Variants in GUCY2C observed in about 807,000 individuals in gnomAD.
GUCY2C encodes guanylate cyclase 2C.
A neutral mutation model predicts 131.1 loss-of-function variants in GUCY2C; 118 were observed. The ratio of observed to expected loss-of-function variants is 0.90; its 90% CI spans 0.78 to 1.05. GUCY2C has a LOEUF of 1.05. Among genes scored for constraint, GUCY2C ranks in the 50% least tolerant of loss-of-function variants. GUCY2C has a pLI of 0.00. For synonymous variants in GUCY2C, 452 were observed against 457.8 expected, an observed-to-expected ratio of 0.99 and a Z score of 0.16; for missense variants, 1,161 against 1,304.4, an observed-to-expected ratio of 0.89 and a Z score of 1.69.
rs142533076 is a variant in GUCY2C, at chr12:14,641,085, T to C, written c.2065A>G (p.Asn689Asp). 8 of 1,613,204 alleles carry C rather than the reference T, an allele frequency of 5.0e-6. No homozygotes were observed. In the African/African-American group the frequency reaches 9.3e-5, roughly 19 times the overall value. The part of the protein sequence containing the change: ...TFYTLSCRDR[N>D]EKIFRVENSN... Reference sequence around the variant, plus strand: ...ACATGAATGGGTTTAGATGTACCATTCCGGTCCCGACAGCTCAAAGTGTAG... The same window carrying C: ...ACATGAATGGGTTTAGATGTACCATCCCGGTCCCGACAGCTCAAAGTGTAG... The change falls in exon 18 of 27, where the codon AAT (asparagine) becomes GAT (aspartate). Residue 689 changes from asparagine to aspartate, a missense_variant. Asn to Asp is a conservative substitution (Grantham distance 23, BLOSUM62 1). Transcript: ENST00000261170.
At position 14,652,633 on chromosome 12, in the gene GUCY2C, G is replaced by C. The variant is rs186632758; in HGVS notation, c.1533+319C>G. On this transcript the variant is annotated intron_variant, in intron 13 of 26. Coordinates refer to ENST00000261170, the MANE Select transcript of GUCY2C (RefSeq NM_004963.4). The stretch of plus-strand genomic sequence containing the variant: ...AGATGCAAAGCTCTCATATGAGATC[G>C]TTGTATTTCTCAGCAATGAGCCAAA... 5.2e-3 allele frequency among the ~76,000 whole-genome samples: 787 copies of C among 152,322 alleles called. 3 individuals are homozygous for C. The highest frequency in any genetic ancestry group is 0.01 in the Middle Eastern group (3 of 294).
At position 14,628,755 on chromosome 12, in the gene GUCY2C, G is replaced by C. The variant is rs182813541; in HGVS notation, c.2158-18C>G. The C allele has an allele frequency of 3.9e-6, 4 of 1,034,898 alleles. No individual in the cohort carries two copies. Among genetic ancestry groups the C allele is most frequent in the Non-Finnish European group, 6.1e-6 (4 of 660,780 alleles). The allele number at this position is 1,034,898 out of a possible 1,614,324, so 64.1% of individuals were successfully genotyped here. A position where few individuals can be genotyped will look rare whatever the true frequency, so the allele number is the denominator to read the frequency against. On this transcript the variant is annotated intron_variant, in intron 19 of 26. Transcript: ENST00000261170. ...AGGTACACCTGGAAGAAAAAAAAACGGGCAAATTAGCTAAGGGGATAGTAA... is the reference window on the plus strand; with the variant it reads ...AGGTACACCTGGAAGAAAAAAAAACCGGCAAATTAGCTAAGGGGATAGTAA...
chr12:14,657,988 T>A (rs1947795303), intron 11 of GUCY2C, among the ~76,000 whole-genome samples: 1 of 152,240 alleles, frequency 6.6e-6, no homozygotes, highest in African/African-American at 2.4e-5. Context: ...AACTTTTTTT[T>A]AACCTTTATG....
chr12:14,676,150 G>A (rs11056092), intron 7 of GUCY2C, among the ~76,000 whole-genome samples: 1 of 152,106 alleles, frequency 6.6e-6, no homozygotes, highest in South Asian at 2.1e-4. Context: ...TCAATGGTTT[G>A]TCTCTGTGGG....
chr12:14,648,635 T>C (rs1426442620), intron 15 of GUCY2C, among the ~76,000 whole-genome samples: 1 of 152,248 alleles, frequency 6.6e-6, no homozygotes, highest in Non-Finnish European at 1.5e-5. Flanking sequence ...TCTCTCTGAA[T>C]GTGCACATAA....
At chr12:14,638,991 A>G (rs73312046) in intron 19 of GUCY2C, among the ~76,000 whole-genome samples, 7,808 of 152,208 alleles carry the variant, frequency 0.051, 656 homozygotes, top group African/African-American at 0.18. Context: ...ACAAATATCA[A>G]TTTAAAAATA....
chr12:14,666,341 A>G (rs1254483695), intron 10 of GUCY2C, among the ~76,000 whole-genome samples: 1 of 152,254 alleles, frequency 6.6e-6, no homozygotes, highest in Non-Finnish European at 1.5e-5. Flanking sequence ...GCGGGCATTC[A>G]TCTACGCAAG....
intron 18 of GUCY2C, among the ~76,000 whole-genome samples, chr12:14,640,487 A>G (rs1206237162): frequency 6.6e-6 from 1 of 151,372 alleles, no homozygotes; most frequent in Non-Finnish European, 1.5e-5. Flanking sequence ...AAAGAAAGAA[A>G]AGAAAAGAAA....
At chr12:14,637,946 T>C (rs765867125) in intron 19 of GUCY2C, among the ~76,000 whole-genome samples, 7 of 152,160 alleles carry the variant, frequency 4.6e-5, no homozygotes, top group Non-Finnish European at 1.0e-4. Flanking sequence ...ACCTGTTGAA[T>C]GGGAGAAAGT....
chr12:14,685,664 G>A (rs1948454315), intron 3 of GUCY2C, among the ~76,000 whole-genome samples: 1 of 152,144 alleles, frequency 6.6e-6, no homozygotes, highest in Non-Finnish European at 1.5e-5. Context: ...TTCTAAGATA[G>A]TAAGGGCACT....
At chr12:14,658,445 G>A (rs1947802071) in intron 11 of GUCY2C, among the ~76,000 whole-genome samples, 1 of 152,202 alleles carries the variant, frequency 6.6e-6, no homozygotes, top group South Asian at 2.1e-4. Flanking sequence ...GGGAGGCCAA[G>A]GTGGGTGGAT....
At chr12:14,663,202 T>G (rs750268921) in intron 10 of GUCY2C, among the ~76,000 whole-genome samples, 12 of 152,246 alleles carry the variant, frequency 7.9e-5, no homozygotes, top group Admixed American at 1.3e-4. Context: ...AGAGCAGAGA[T>G]GCACAGAGGT....
Position 14,628,790 on chromosome 12 carries a change from A to G in GUCY2C, c.2158-53T>C, listed in dbSNP as rs1012206309. The G allele has an allele frequency of 5.6e-6, 5 of 889,610 alleles. No individual in the cohort carries two copies. In the East Asian group the frequency reaches 1.2e-4, roughly 21 times the overall value. The allele number at this position is 889,610 out of a possible 1,614,324, so 55.1% of individuals were successfully genotyped here. Reference sequence around the variant, plus strand: ...GCTAAGGGGATAGTAAACTAAATCAAGAGAGAATTCTTATTCTCATTGATG... The same window carrying G: ...GCTAAGGGGATAGTAAACTAAATCAGGAGAGAATTCTTATTCTCATTGATG... On this transcript the variant is annotated intron_variant, in intron 19 of 26. Coordinates refer to ENST00000261170, the MANE Select transcript of GUCY2C (RefSeq NM_004963.4).
Position 14,679,713 on chromosome 12 carries a change from C to T in GUCY2C, c.774G>A (p.Leu258=), listed in dbSNP as rs768427896. The change falls in exon 6 of 27, where the codon CTG becomes CTA. Residue 258 remains leucine, a synonymous_variant. Coordinates refer to ENST00000261170, the MANE Select transcript of GUCY2C (RefSeq NM_004963.4). ...MCGGPEFLYK[L]KGDRAVAEDI... ...CTTCAGCCACTGCTCGGTCACCCTTCAGCTTGTAGAGGAACTCTGGACCAC... is the reference window on the plus strand; with the variant it reads ...CTTCAGCCACTGCTCGGTCACCCTTTAGCTTGTAGAGGAACTCTGGACCAC... 6.2e-7 allele frequency: 1 copy of T among 1,601,278 alleles called. No homozygotes were observed. Among genetic ancestry groups the T allele is most frequent in the Non-Finnish European group, 8.6e-7 (1 of 1,168,388 alleles).
At chr12:14,684,782 AT>A (rs1948439222) in intron 3 of GUCY2C, among the ~76,000 whole-genome samples, 1 of 151,600 alleles carries the variant, frequency 6.6e-6, no homozygotes, top group South Asian at 2.1e-4. Context: ...TGATCCTCCC[AT>A]CTTGGCCTCC....
At chr12:14,643,746 C>G in intron 16 of GUCY2C, 40 bp from the exon 17 acceptor site, 3 of 1,578,060 alleles carry the variant, frequency 1.9e-6, no homozygotes, top group Non-Finnish European at 2.6e-6. Context: ...AAATGTGACA[C>G]ACTTCAGCTG....
intron 13 of GUCY2C, 146 bp downstream of exon 13, chr12:14,652,806 A>G (rs1305224583): frequency 3.0e-6 from 2 of 676,884 alleles, no homozygotes; most frequent in Non-Finnish European, 5.4e-6. Context: ...GGCCCTGCCC[A>G]TCCCTGTGAA....
At chr12:14,651,273 C>T in intron 15 of GUCY2C, 134 bp downstream of exon 15, 1 of 516,072 alleles carries the variant, frequency 1.9e-6, no homozygotes, top group Non-Finnish European at 3.4e-6. Flanking sequence ...TCTCGGGGAT[C>T]TAGTTTGGAA....
At chr12:14,642,251 A>G (rs553856750) in intron 17 of GUCY2C, among the ~76,000 whole-genome samples, 22 of 152,240 alleles carry the variant, frequency 1.4e-4, no homozygotes, top group African/African-American at 5.3e-4. Flanking sequence ...CTCACTTCAC[A>G]TGAGTGCAAT....
Sources: gnomAD v4.1 joint callset for allele counts (sites outside exome capture counted in the v4.1 genomes callset) on GRCh38, gnomAD v4.1.1 for gene constraint, MANE v1.5 for transcripts, NCBI Gene and HGNC (gene_info 2026-07-23, HGNC 2026-07-21) for gene names.